CCR6: variants seen among roughly 807,000 people sequenced by gnomAD.
CCR6 encodes the protein C-C chemokine receptor type 6.
Under a neutral mutation model 3.0 loss-of-function variants are expected in CCR6, and 2 were observed. That is an observed-to-expected ratio of 0.66 (90% CI 0.27 to 2.07). CCR6 has a LOEUF of 2.07. Among genes scored for constraint, CCR6 ranks in the 30% most tolerant of loss-of-function variants. The pLI, the probability that CCR6 is intolerant of heterozygous loss-of-function variation, is 0.14. For synonymous variants in CCR6, 193 were observed against 184.3 expected (o/e 1.05, Z -0.38); for missense variants, 322 against 462.8 (o/e 0.70, Z 2.79).
At position 167,136,658 on chromosome 6, in the gene CCR6, G is replaced by A. The variant is rs775474189; in HGVS notation, c.428G>A (p.Arg143Gln). ...CTCCTGACTTGCATTAGCATGGACC[G>A]GTACATCGCCATTGTACAGGCGACT... Reference protein sequence around the residue: ...MLLLTCISMDRYIAIVQATKS... With the variant: ...MLLLTCISMDQYIAIVQATKS... The change falls in exon 3 of 3, where the codon CGG becomes CAG. Residue 143 changes from arginine (R) to glutamine (Q), a missense_variant. By Grantham distance (43) the Arg-to-Gln change is conservative (BLOSUM62 1). Transcript: ENST00000341935. The surrounding 1 kb of genome is among the most constrained non-coding windows in gnomAD (Gnocchi z 4.6). 3.7e-6 allele frequency: 6 copies of A among 1,614,000 alleles called. No homozygotes were observed. Among genetic ancestry groups the A allele is most frequent in the Non-Finnish European group, 2.5e-6 (3 of 1,180,036 alleles).
At chr6:167,125,560 C>T (rs1781658285) in intron 1 of CCR6, among the ~76,000 whole-genome samples, 4 of 152,236 alleles carry the variant, frequency 2.6e-5, no homozygotes, top group Admixed American at 2.6e-4. Flanking sequence ...CTCCCAATGC[C>T]CTCAAGTCCA....
intron 1 of CCR6, among the ~76,000 whole-genome samples, chr6:167,133,509 T>C (rs986652295): frequency 3.9e-5 from 6 of 152,178 alleles, no homozygotes; most frequent in Non-Finnish European, 8.8e-5. Flanking sequence ...TGTAGTTCCT[T>C]GTCAGCTCTG....
At position 167,123,709 on chromosome 6, in the gene CCR6, A is replaced by G. The variant is rs572781308; in HGVS notation, c.-98+486A>G. ...GAGGGGGAGTTAAGAGAAATTGACA[A>G]GGTGGAAATTTCAACAAGTCTCAGT... is the stretch of plus-strand genomic sequence containing the variant. On this transcript the variant is annotated intron_variant, in intron 1 of 2. Transcript: ENST00000341935. Among the ~76,000 whole-genome samples the G allele has an allele frequency of 3.3e-5, 5 of 152,360 alleles. No homozygotes were observed. In the East Asian group the frequency reaches 9.6e-4, roughly 29 times the overall value.
chr6:167,137,616 G>A lies in CCR6; in HGVS notation c.*261G>A, dbSNP rs923065966. 4 of 339,446 alleles carry A rather than the reference G, an allele frequency of 1.2e-5. No individual in the cohort carries two copies. The highest frequency in any genetic ancestry group is 2.1e-5 in the Non-Finnish European group (4 of 186,514). 21.0% of individuals were successfully genotyped at this position (339,446 alleles called of 1,614,324 possible). A position where few individuals can be genotyped will look rare whatever the true frequency, so the allele number is the denominator to read the frequency against. On this transcript the variant is annotated 3_prime_UTR_variant, in exon 3 of 3. Coordinates refer to ENST00000341935, the MANE Select transcript of CCR6 (RefSeq NM_031409.4). The surrounding 1 kb of genome is among the most constrained non-coding windows in gnomAD (Gnocchi z 4.6). ...TATCCGCCTGGCATTTCACAAAACAGCCTTTGGGAAATGCTGAATTAAAGT... is the reference window on the plus strand; with the variant it reads ...TATCCGCCTGGCATTTCACAAAACAACCTTTGGGAAATGCTGAATTAAAGT...
rs113077668 is a variant in CCR6 at position 167,116,277 on chromosome 6, C to G, written c.-98+4263C>G. On this transcript the variant is annotated intron_variant, in intron 1 of 2. Transcript: ENST00000400926. ...CTTTCTTATGCTGCTGTCTCCTTCC[C>G]GAACTCTCCAGAGCCTCTGGAGTCT... The G allele has an allele frequency of 1.6e-4, 24 of 152,290 alleles. 1 individual carries two copies. The highest frequency in any genetic ancestry group is 5.3e-4 in the African/African-American group (22 of 41,512). 9.4% of individuals were successfully genotyped at this position (152,290 alleles called of 1,614,324 possible). A position where few individuals can be genotyped will look rare whatever the true frequency, so the allele number is the denominator to read the frequency against.
At chr6:167,128,332 C>T (rs981637544) in intron 1 of CCR6, among the ~76,000 whole-genome samples, 1 of 152,244 alleles carries the variant, frequency 6.6e-6, no homozygotes, top group Admixed American at 6.5e-5. Context: ...AAGTGCTGTC[C>T]CCTGTGTCCG....
At chr6:167,124,620 G>C (rs1781641351) in intron 1 of CCR6, among the ~76,000 whole-genome samples, 1 of 152,202 alleles carries the variant, frequency 6.6e-6, no homozygotes, top group Non-Finnish European at 1.5e-5. Context: ...CGGCGAGTAA[G>C]AGACAGTAAT....
Position 167,137,101 on chromosome 6 carries a change from G to A in CCR6, c.871G>A (p.Glu291Lys), listed in dbSNP as rs545727839. 4.3e-6 allele frequency: 7 copies of A among 1,614,144 alleles called. No individual in the cohort carries two copies. The highest frequency in any genetic ancestry group is 4.5e-5 in the East Asian group (2 of 44,872). The part of the protein sequence containing the change: ...LGKMNRSCQS[E>K]KLIGYTKTVT... ...TAAAATGAACCGATCCTGCCAGAGC[G>A]AAAAGCTAATTGGCTATACGAAAAC... Residue 291 changes from glutamate to lysine, a missense_variant, in exon 3 of 3, where the codon GAA becomes AAA. Physicochemically the swap from Glu to Lys is moderately conservative, Grantham distance 56. Transcript: ENST00000341935. This position sits in a 1 kb window ranked among gnomAD's most constrained non-coding sequence, Gnocchi z 4.6.
chr6:167,126,851 C>T (rs934962733), intron 1 of CCR6, among the ~76,000 whole-genome samples: 44 of 152,152 alleles, frequency 2.9e-4, no homozygotes, highest in African/African-American at 1.0e-3. Context: ...CAGGGGGCTT[C>T]CCTCTTCGCT....
At chr6:167,131,997 C>T (rs1185389384) in intron 1 of CCR6, among the ~76,000 whole-genome samples, 1 of 152,184 alleles carries the variant, frequency 6.6e-6, no homozygotes. Context: ...CCAATCCCTT[C>T]TTCCCGTCCT....
In CCR6 at chr6:167,136,726, A is replaced by G; in HGVS notation, c.496A>G (p.Ile166Val). Residue 166 changes from isoleucine to valine, a missense_variant, in exon 3 of 3, where the codon ATC becomes GTC. By Grantham distance (29) the Ile-to-Val change is conservative. Coordinates refer to ENST00000341935, the MANE Select transcript of CCR6 (RefSeq NM_031409.4). The surrounding 1 kb of genome is among the most constrained non-coding windows in gnomAD (Gnocchi z 4.6). ...LRSRTLPRSK[I>V]ICLVVWGLSV... ...ATCCAGAACACTACCGCGCAGCAAA[A>G]TCATCTGCCTTGTTGTGTGGGGGCT... The G allele has an allele frequency of 2.5e-6, 4 of 1,614,036 alleles. No homozygotes were observed. The East Asian group carries it at 6.7e-5, about 27-fold the overall frequency.
upstream of CCR6, among the ~76,000 whole-genome samples, chr6:167,117,884 G>A (rs181551155): frequency 5.5e-4 from 83 of 151,450 alleles, no homozygotes; most frequent in Middle Eastern, 3.5e-3. Context: ...GATGAAACGC[G>A]CAGGTCGCTT....
intron 1 of CCR6, among the ~76,000 whole-genome samples, chr6:167,125,850 CA>C (rs1267063142): frequency 6.0e-5 from 9 of 151,154 alleles, no homozygotes; most frequent in South Asian, 4.2e-4. Context: ...ATAAAAATTG[CA>C]AAAAAAATTG....
In CCR6 at chr6:167,136,998, C is replaced by T; in HGVS notation, c.768C>T (p.Ile256=). 1 of 1,614,202 alleles carries T rather than the reference C, an allele frequency of 6.2e-7. No individual in the cohort carries two copies. Among genetic ancestry groups the T allele is most frequent in the Non-Finnish European group, 8.5e-7 (1 of 1,180,042 alleles). The change falls in exon 3 of 3, where the codon ATC becomes ATT. Residue 256 remains isoleucine, a synonymous_variant. Transcript: ENST00000341935. The surrounding 1 kb of genome is among the most constrained non-coding windows in gnomAD (Gnocchi z 4.6). ...AAAGGCACAAAGCCATCCGTGTAATCATAGCTGTGGTGCTTGTGTTTCTGG... is the reference window on the plus strand; with the variant it reads ...AAAGGCACAAAGCCATCCGTGTAATTATAGCTGTGGTGCTTGTGTTTCTGG... ...NSKRHKAIRV[I]IAVVLVFLAC...
upstream of CCR6, among the ~76,000 whole-genome samples, chr6:167,118,379 G>A (rs749993399): frequency 2.6e-5 from 4 of 152,140 alleles, no homozygotes; most frequent in Non-Finnish European, 4.4e-5. Flanking sequence ...TGAGTCTAAA[G>A]TCATGTCAAG....
chr6:167,120,861 TA>T (rs1781574776), upstream of CCR6: 2 of 152,222 alleles, frequency 1.3e-5, no homozygotes, highest in African/African-American at 2.4e-5. Flanking sequence ...ATCTTTAATA[TA>T]GGGGCATTTT....
intron 1 of CCR6, among the ~76,000 whole-genome samples, chr6:167,124,793 A>G (rs1562557662): frequency 8.7e-6 from 1 of 115,220 alleles, no homozygotes. Context: ...TTTACAGCAT[A>G]TGCGCGCACA....
upstream of CCR6, among the ~76,000 whole-genome samples, chr6:167,122,126 A>G (rs2114916783): frequency 6.6e-6 from 1 of 152,300 alleles, no homozygotes; most frequent in Admixed American, 6.5e-5. This position sits in a 1 kb window ranked among gnomAD's most constrained non-coding sequence, Gnocchi z 4.2. Context: ...AAGATAGAGC[A>G]GAGCTGGGCA....
intron 1 of CCR6, chr6:167,135,176 G>A (rs1266055951): frequency 6.6e-6 from 1 of 152,264 alleles, no homozygotes; most frequent in South Asian, 2.1e-4. Context: ...AGCCTGAGAC[G>A]AGCTGGTCAC....
Sources: allele counts gnomAD v4.1 joint callset (sites outside exome capture counted in the v4.1 genomes callset), GRCh38; gene constraint gnomAD v4.1.1; non-coding constraint Gnocchi (gnomAD v3.1); transcripts MANE v1.5; gene names NCBI Gene and HGNC (gene_info 2026-07-23, HGNC 2026-07-21).